LOXHD1: variants seen among roughly 807,000 people sequenced by gnomAD.
LOXHD1 encodes the protein lipoxygenase homology domain-containing protein 1.
In LOXHD1, 205 loss-of-function variants were observed where a neutral mutation model predicts 248.2. The observed-to-expected ratio is 0.83, with a 90% CI of 0.74 to 0.93. LOXHD1 has a LOEUF of 0.93. LOXHD1 is among the 40% of genes least tolerant of loss of function. LOXHD1 has a pLI of 0.00. For missense variants in LOXHD1, 2,930 were observed against 2,971.6 expected (o/e 0.99, Z 0.33); for synonymous variants, 1,113 against 1,162.8 (o/e 0.96, Z 0.87).
rs1031275233 is a variant in LOXHD1 at position 46,489,138 on chromosome 18, T to C, written c.5883A>G (p.Ile1961Met). Residue 1961 changes from isoleucine to methionine, a missense_variant, in exon 38 of 41, where the codon ATA becomes ATG. By Grantham distance (10) the Ile-to-Met change is conservative (BLOSUM62 1). Transcript: ENST00000642948. ...CATAGCTCAGATGCCAGCCAGGAAATATCCCTGTGGAAAAGACACCATGGG... is the reference window on the plus strand; with the variant it reads ...CATAGCTCAGATGCCAGCCAGGAAACATCCCTGTGGAAAAGACACCATGGG... ...KLRVWHDNKG[I>M]FPGWHLSYVD... The C allele has an allele frequency of 6.4e-7, 1 of 1,551,642 alleles. No homozygotes were observed. The highest frequency in any genetic ancestry group is 8.7e-7 in the Non-Finnish European group (1 of 1,146,984).
chr18:46,638,579 G>A (rs1020793308), intron 4 of LOXHD1, among the ~76,000 whole-genome samples: 3 of 152,202 alleles, frequency 2.0e-5, no homozygotes, highest in Admixed American at 6.5e-5. Context: ...ATCACAGTGA[G>A]CGAAGATTGT....
Position 46,489,159 on chromosome 18 carries a change from A to C in LOXHD1, c.5879-17T>G, listed in dbSNP as rs1336977501. ...GAAATATCCCTGTGGAAAAGACACC[A>C]TGGGGGTTGGAAGCTGGATGTGCCT... On this transcript the variant is annotated splice_polypyrimidine_tract_variant and intron_variant, in intron 37 of 40. Transcript: ENST00000642948. 1 of 1,551,524 alleles carries C rather than the reference A, an allele frequency of 6.4e-7. No homozygotes were observed. Among genetic ancestry groups the C allele is most frequent in the African/African-American group, 1.4e-5 (1 of 73,132 alleles).
At chr18:46,606,847 C>A (rs1383396958) in intron 6 of LOXHD1, among the ~76,000 whole-genome samples, 1 of 152,040 alleles carries the variant, frequency 6.6e-6, no homozygotes, top group Non-Finnish European at 1.5e-5. Flanking sequence ...CATGGTAGAT[C>A]TAAAACACTT....
At chr18:46,654,570 T>C (rs1021513086) in intron 1 of LOXHD1, among the ~76,000 whole-genome samples, 2 of 152,230 alleles carry the variant, frequency 1.3e-5, no homozygotes, top group African/African-American at 4.8e-5. Flanking sequence ...CCTCTGGTTA[T>C]TGGGGAATCC....
intron 39 of LOXHD1, among the ~76,000 whole-genome samples, chr18:46,484,661 G>C (rs898765838): frequency 6.6e-6 from 1 of 152,170 alleles, no homozygotes; most frequent in African/African-American, 2.4e-5. Context: ...GGTGGAGGCT[G>C]TCTCAGCAGT....
intron 3 of LOXHD1, among the ~76,000 whole-genome samples, chr18:46,640,286 G>C (rs142223233): frequency 1.3e-5 from 2 of 152,300 alleles, no homozygotes; most frequent in African/African-American, 4.8e-5. Context: ...TAGACCACCT[G>C]ATTTACAGGA....
At chr18:46,652,765 A>AACAAAT (rs1005240583) in intron 1 of LOXHD1, among the ~76,000 whole-genome samples, 3 of 152,186 alleles carry the variant, frequency 2.0e-5, no homozygotes, top group African/African-American at 7.2e-5. Flanking sequence ...CAAAAACAAA[A>AACAAAT]CCCCAGAAAT....
At chr18:46,608,468 G>A (rs1259075093) in intron 6 of LOXHD1, among the ~76,000 whole-genome samples, 1 of 152,136 alleles carries the variant, frequency 6.6e-6, no homozygotes, top group Non-Finnish European at 1.5e-5. Flanking sequence ...TTAAAGCTCT[G>A]TCCACTAAAC....
intron 37 of LOXHD1, among the ~76,000 whole-genome samples, chr18:46,497,543 A>G (rs1207306696): frequency 1.3e-5 from 2 of 152,240 alleles, no homozygotes; most frequent in African/African-American, 4.8e-5. Flanking sequence ...AACTTTTTAA[A>G]AAACCACTAA....
At chr18:46,552,639 T>G (rs529950377) in intron 21 of LOXHD1, among the ~76,000 whole-genome samples, 1 of 152,292 alleles carries the variant, frequency 6.6e-6, no homozygotes, top group South Asian at 2.1e-4. Context: ...GCTTTATATC[T>G]TCTCCCAATC....
intron 6 of LOXHD1, among the ~76,000 whole-genome samples, chr18:46,609,181 A>G (rs2038467805): frequency 6.6e-6 from 1 of 152,236 alleles, no homozygotes; most frequent in Admixed American, 6.5e-5. Context: ...AGTAGCTATC[A>G]TGTGCTCATG....
In LOXHD1 at chr18:46,529,222, G is replaced by A. The variant is rs1421762722; in HGVS notation, c.4485C>T (p.Tyr1495=). ...TGGTCCGGTTCTCTGACTTGCCAAG[G>A]TATCGCTCCCCAGTGTCCCCGAGGT... is the stretch of plus-strand genomic sequence containing the variant. ...YGDLGDTGER[Y]LGKSENRTNK... is the part of the protein sequence containing the mutation. Residue 1495 remains tyrosine (Y), a synonymous_variant, in exon 29 of 41, where the codon TAC becomes TAT. Coordinates refer to ENST00000642948, the MANE Select transcript of LOXHD1 (RefSeq NM_001384474.1). 2.6e-6 allele frequency: 4 copies of A among 1,551,452 alleles called. No individual in the cohort carries two copies. The South Asian group carries it at 3.6e-5, about 14-fold the overall frequency.
chr18:46,539,887 C>T (rs1363529770), intron 25 of LOXHD1, among the ~76,000 whole-genome samples: 1 of 152,188 alleles, frequency 6.6e-6, no homozygotes, highest in Non-Finnish European at 1.5e-5. Flanking sequence ...TGAAAGGAGT[C>T]ACAATACAAG....
chr18:46,593,662 C>T lies in LOXHD1; in HGVS notation c.1369G>A (p.Asp457Asn), dbSNP rs199957090. ...TTGTTGGGATTCAGGAGAATCTCAT[C>T]TGTCCGCCCCTTCTGCCCATAAATC... ...IQIYGQKGRT[D>N]EILLNPNNKW... The change falls in exon 10 of 41, where the codon GAT (aspartate) becomes AAT (asparagine). Residue 457 changes from aspartate to asparagine, a missense_variant. By Grantham distance (23) the Asp-to-Asn change is conservative. Transcript: ENST00000642948. 27 of 1,552,334 alleles carry T rather than the reference C, an allele frequency of 1.7e-5. 2 individuals are homozygous for T. In the Middle Eastern group the frequency reaches 4.5e-3, roughly 259 times the overall value.
intron 37 of LOXHD1, among the ~76,000 whole-genome samples, chr18:46,492,776 A>G (rs2033578532): frequency 6.6e-6 from 1 of 152,220 alleles, no homozygotes; most frequent in South Asian, 2.1e-4. Context: ...CTATATCAAA[A>G]TATAAATACG....
At chr18:46,571,797 C>T (rs1568193428) in intron 15 of LOXHD1, among the ~76,000 whole-genome samples, 1 of 152,194 alleles carries the variant, frequency 6.6e-6, no homozygotes, top group South Asian at 2.1e-4. Flanking sequence ...CTTCTTAAGG[C>T]CTGAATGACA....
In LOXHD1 at chr18:46,566,362, C is replaced by T. The variant is rs876657860; in HGVS notation, c.2332G>A (p.Gly778Ser). 3.2e-6 allele frequency: 5 copies of T among 1,551,768 alleles called. No individual in the cohort carries two copies. The highest frequency in any genetic ancestry group is 4.4e-6 in the Non-Finnish European group (5 of 1,147,028). ...GSVQIRVPRQ[G>S]KQYTFPANRW... ...TTGGCGGGAAAGGTGTACTGCTTGC[C>T]TTGACGGGGCACACGGATCTGAACG... Residue 778 changes from glycine to serine, a missense_variant, in exon 17 of 41, where the codon GGC becomes AGC. Physicochemically the swap from Gly to Ser is moderately conservative, Grantham distance 56 (BLOSUM62 0). Transcript: ENST00000642948.
intron 20 of LOXHD1, 180 bp downstream of exon 20, chr18:46,559,268 T>C: frequency 6.5e-7 from 1 of 1,529,938 alleles, no homozygotes. Context: ...CCTGCAATTC[T>C]CTCATAACCC....
intron 18 of LOXHD1, among the ~76,000 whole-genome samples, chr18:46,562,550 T>C (rs1329026412): frequency 6.6e-6 from 1 of 152,166 alleles, no homozygotes; most frequent in Non-Finnish European, 1.5e-5. Flanking sequence ...AGCCATAAAA[T>C]TCCAAGTCTC....
Sources: gnomAD v4.1 joint callset for allele counts (sites outside exome capture counted in the v4.1 genomes callset) on GRCh38, gnomAD v4.1.1 for gene constraint, MANE v1.5 for transcripts, NCBI Gene and HGNC (gene_info 2026-07-23, HGNC 2026-07-21) for gene names.